The following LRRC37A2 variants were observed in gnomAD, a reference collection of about 807,000 sequenced individuals.
The protein encoded by LRRC37A2 is leucine-rich repeat-containing protein 37A2.
A neutral mutation model predicts 68.8 loss-of-function variants in LRRC37A2; 9 were observed. The ratio of observed to expected loss-of-function variants is 0.13; its 90% CI spans 0.08 to 0.23. LRRC37A2 has a LOEUF of 0.23. Among genes scored for constraint, LRRC37A2 ranks in the 10% least tolerant of loss-of-function variants. The pLI is 1.00. For synonymous variants in LRRC37A2, 63 were observed against 367.6 expected, an observed-to-expected ratio of 0.17 and a Z score of 9.48; for missense variants, 168 against 950.4, an observed-to-expected ratio of 0.18 and a Z score of 10.82.
chr17:46,467,439 A>G, the LRRC37A2 span, among the ~76,000 whole-genome samples: 2 of 92,010 alleles, frequency 2.2e-5, 1 homozygote, highest in Non-Finnish European at 4.6e-5. Flanking sequence ...CTAATGAGAT[A>G]CTGAGGATTA....
chr17:46,918,689 C>T, the LRRC37A2 span, among the ~76,000 whole-genome samples: 2 of 152,014 alleles, frequency 1.3e-5, no homozygotes, highest in African/African-American at 2.4e-5. Context: ...TGAAATAGCT[C>T]CCCCTGAACC....
At chr17:46,818,837 T>G in the LRRC37A2 span, 3 of 563,652 alleles carry the variant, frequency 5.3e-6, no homozygotes, top group South Asian at 6.6e-5. Context: ...TAGTTCAGCC[T>G]GTCAATCACG....
chr17:46,779,104 C>CA, the LRRC37A2 span, among the ~76,000 whole-genome samples: 229 of 130,768 alleles, frequency 1.8e-3, 1 homozygote, highest in African/African-American at 5.4e-3. Flanking sequence ...CACACACACA[C>CA]CCCAGCCCAC....
At chr17:46,885,265 C>T in the LRRC37A2 span, 1 of 297,374 alleles carries the variant, frequency 3.4e-6, no homozygotes, top group Admixed American at 5.0e-5. Context: ...CTCGGCCTCC[C>T]AAAGTGCTGG....
chr17:46,779,506 AG>A, the LRRC37A2 span, among the ~76,000 whole-genome samples: 2 of 152,124 alleles, frequency 1.3e-5, no homozygotes, highest in African/African-American at 4.8e-5. Context: ...CCCACTGCCC[AG>A]CTGGGCCGAG....
At chr17:46,790,565 C>G in the LRRC37A2 span, among the ~76,000 whole-genome samples, 1 of 152,136 alleles carries the variant, frequency 6.6e-6, no homozygotes, top group East Asian at 1.9e-4. Flanking sequence ...CTGCCCTCCC[C>G]CTGGGCCCCA....
At chr17:46,492,266 G>A in the LRRC37A2 span, among the ~76,000 whole-genome samples, 2 of 151,092 alleles carry the variant, frequency 1.3e-5, no homozygotes, top group East Asian at 1.9e-4. Flanking sequence ...CGCCCGGCCC[G>A]TTTGACTTTT....
the LRRC37A2 span, among the ~76,000 whole-genome samples, chr17:46,810,223 G>T: frequency 1.3e-5 from 2 of 151,316 alleles, no homozygotes; most frequent in African/African-American, 2.4e-5. Context: ...GGCCAAGCAG[G>T]CCTCAAACTC....
At chr17:47,025,368 G>A in the LRRC37A2 span, among the ~76,000 whole-genome samples, 2 of 151,824 alleles carry the variant, frequency 1.3e-5, no homozygotes, top group African/African-American at 4.8e-5. Context: ...TAATTTAATC[G>A]GAATTAAATT....
chr17:46,755,939 A>G, the LRRC37A2 span: 5 of 966,762 alleles, frequency 5.2e-6, no homozygotes, highest in African/African-American at 1.6e-5. Flanking sequence ...TCTACCTTCA[A>G]CATGTGCTCG....
At chr17:46,810,083 T>A in the LRRC37A2 span, among the ~76,000 whole-genome samples, 1 of 149,014 alleles carries the variant, frequency 6.7e-6, no homozygotes, top group Non-Finnish European at 1.5e-5. Context: ...CTCGGCTCAC[T>A]GCAACCTCCG....
the LRRC37A2 span, among the ~76,000 whole-genome samples, chr17:46,996,392 C>T: frequency 2.0e-5 from 3 of 152,308 alleles, no homozygotes; most frequent in Non-Finnish European, 4.4e-5. Flanking sequence ...CACTGAAACC[C>T]ATCTCAAGGA....
the LRRC37A2 span, among the ~76,000 whole-genome samples, chr17:46,568,492 A>G: frequency 8.0e-6 from 1 of 124,592 alleles, no homozygotes; most frequent in African/African-American, 3.2e-5. Context: ...TGGAATAAGC[A>G]GTTAAAAAAA....
At chr17:46,760,770 A>G in the LRRC37A2 span, among the ~76,000 whole-genome samples, 1 of 152,210 alleles carries the variant, frequency 6.6e-6, no homozygotes, top group Admixed American at 6.5e-5. Context: ...CACCGACAGG[A>G]TGCCACAAGT....
chr17:47,017,728 A>G, the LRRC37A2 span: 10 of 1,610,702 alleles, frequency 6.2e-6, no homozygotes, highest in African/African-American at 1.2e-4. Context: ...CAGAAACAGA[A>G]TTTGCAGAAT....
chr17:46,996,627 G>A, the LRRC37A2 span, among the ~76,000 whole-genome samples: 3 of 152,226 alleles, frequency 2.0e-5, no homozygotes, highest in Non-Finnish European at 4.4e-5. Context: ...GCTGGATTTA[G>A]GGCCTTAAAA....
the LRRC37A2 span, among the ~76,000 whole-genome samples, chr17:46,852,801 T>C: frequency 6.6e-6 from 1 of 152,112 alleles, no homozygotes; most frequent in African/African-American, 2.4e-5. Context: ...AGTGACCTGC[T>C]AGAGGCTGCT....
chr17:47,040,350 C>A, the LRRC37A2 span, among the ~76,000 whole-genome samples: 1 of 151,406 alleles, frequency 6.6e-6, no homozygotes, highest in Non-Finnish European at 1.5e-5. Flanking sequence ...GCTTATTTCT[C>A]CCCCCACCAA....
the LRRC37A2 span, among the ~76,000 whole-genome samples, chr17:46,801,536 C>A: frequency 6.6e-6 from 1 of 152,180 alleles, no homozygotes; most frequent in Admixed American, 6.5e-5. Flanking sequence ...AGGAGAATAG[C>A]TTGAACCTGG....
Sources: gnomAD v4.1 joint callset for allele counts (sites outside exome capture counted in the v4.1 genomes callset) on GRCh38, gnomAD v4.1.1 for gene constraint, MANE v1.5 for transcripts, NCBI Gene and HGNC (gene_info 2026-07-23, HGNC 2026-07-21) for gene names.